Variants in IL23R observed in about 807,000 individuals in gnomAD.
IL23R encodes the protein interleukin-23 receptor.
Under a neutral mutation model 56.9 loss-of-function variants are expected in IL23R, and 34 were observed. The ratio of observed to expected loss-of-function variants is 0.60; its 90% CI spans 0.45 to 0.80. The LOEUF (loss-of-function observed/expected upper bound fraction) is 0.80. Among genes scored for constraint, IL23R ranks in the 30% least tolerant of loss-of-function variants. The pLI is 0.00. For missense variants in IL23R, 635 were observed against 730.0 expected (o/e 0.87, Z 1.50); for synonymous variants, 230 against 249.2 (o/e 0.92, Z 0.73).
intron 1 of IL23R, among the ~76,000 whole-genome samples, chr1:67,149,575 C>T (rs184029344): frequency 7.3e-4 from 111 of 152,184 alleles, no homozygotes; most frequent in African/African-American, 2.6e-3. Flanking sequence ...GTTATAGACA[C>T]TCAATAAATA....
At chr1:67,207,180 C>G (rs759282221) in intron 6 of IL23R, 125 bp downstream of exon 6, 2 of 1,066,000 alleles carry the variant, frequency 1.9e-6, no homozygotes, top group African/African-American at 3.2e-5. Context: ...GCATGATATT[C>G]AAGCCACTTT....
rs1653043871 is a variant in IL23R, at chr1:67,257,986, T to C, written c.1240-492T>C. On this transcript the variant is annotated intron_variant, in intron 10 of 10. Coordinates refer to ENST00000347310, the MANE Select transcript of IL23R (RefSeq NM_144701.3). ...CAAAGTGCTGGGATTACAGGCCTTA[T>C]CCACCTTTAGAACCTCGGCATCAAG... Among the ~76,000 whole-genome samples, 3 of 151,958 alleles carry C rather than the reference T, an allele frequency of 2.0e-5. No homozygotes were observed. In the South Asian group the frequency reaches 6.3e-4, roughly 32 times the overall value.
At chr1:67,152,403 C>T (rs1217758361) in intron 1 of IL23R, among the ~76,000 whole-genome samples, 2 of 152,136 alleles carry the variant, frequency 1.3e-5, no homozygotes, top group African/African-American at 2.4e-5. Flanking sequence ...CATCTGCAAA[C>T]AGACAATTTG....
intron 9 of IL23R, among the ~76,000 whole-genome samples, chr1:67,240,767 T>C (rs1415605275): frequency 6.6e-6 from 1 of 152,178 alleles, no homozygotes; most frequent in Non-Finnish European, 1.5e-5. Flanking sequence ...AATGTGCGAA[T>C]TGGGCAGCCC....
rs773181825 is a variant in IL23R at position 67,252,121 on chromosome 1, C to A, written c.1149-3716C>A. Among the ~76,000 whole-genome samples, 3 of 151,634 alleles carry A rather than the reference C, an allele frequency of 2.0e-5. No homozygotes were observed. The East Asian group carries it at 5.8e-4, about 29-fold the overall frequency. On this transcript the variant is annotated intron_variant, in intron 9 of 10. Transcript: ENST00000347310. Reference sequence around the variant, plus strand: ...ATTTCTGTAAGACTTTGCTGCCTCCCAAGCCTAATGTATAAACTGGAAGGA... The same window carrying A: ...ATTTCTGTAAGACTTTGCTGCCTCCAAAGCCTAATGTATAAACTGGAAGGA...
upstream of IL23R, among the ~76,000 whole-genome samples, chr1:67,163,977 C>T (rs748137330): frequency 6.6e-6 from 1 of 151,914 alleles, no homozygotes; most frequent in African/African-American, 2.4e-5. Context: ...AGATATGACA[C>T]TGAAAAAACA....
At chr1:67,263,955 C>T (rs1389782649), downstream of IL23R, among the ~76,000 whole-genome samples, 1 of 152,184 alleles carries the variant, frequency 6.6e-6, no homozygotes, top group Non-Finnish European at 1.5e-5. Context: ...GAGGTCATAC[C>T]TGTGCCCTCT....
chr1:67,221,407 A>G (rs1338080873), intron 7 of IL23R, among the ~76,000 whole-genome samples: 1 of 152,090 alleles, frequency 6.6e-6, no homozygotes, highest in African/African-American at 2.4e-5. Context: ...TAAAGCAATC[A>G]GAAAGTTAAA....
intron 9 of IL23R, among the ~76,000 whole-genome samples, chr1:67,250,393 C>A (rs562213958): frequency 2.6e-5 from 4 of 152,224 alleles, no homozygotes; most frequent in African/African-American, 9.6e-5. Context: ...TATATAAAAT[C>A]TATTTTCTTT....
intron 4 of IL23R, among the ~76,000 whole-genome samples, chr1:67,197,938 AAAAAGAAAAGAAAAG>A (rs148930191): frequency 1.1e-4 from 8 of 73,278 alleles, no homozygotes; most frequent in South Asian, 4.0e-4. Context: ...CCTGTCATTA[AAAAAGAAAAGAAAAG>A]AAAAGAAAAG....
chr1:67,178,550 C>T (rs1337212137), intron 3 of IL23R, among the ~76,000 whole-genome samples: 1 of 152,240 alleles, frequency 6.6e-6, no homozygotes, highest in African/African-American at 2.4e-5. Context: ...GATATACAAT[C>T]ATGTCATCTG....
intron 7 of IL23R, among the ~76,000 whole-genome samples, chr1:67,230,450 G>C (rs940751293): frequency 6.6e-5 from 10 of 152,066 alleles, no homozygotes; most frequent in Admixed American, 2.0e-4. Flanking sequence ...CTTTCATATA[G>C]AGTTTTGCTA....
intron 3 of IL23R, among the ~76,000 whole-genome samples, chr1:67,170,408 A>AT (rs1172114789): frequency 1.3e-5 from 2 of 152,090 alleles, no homozygotes; most frequent in South Asian, 2.1e-4. Flanking sequence ...GTAACTATTA[A>AT]TTTTTTTCTT....
intron 6 of IL23R, among the ~76,000 whole-genome samples, chr1:67,216,691 T>A (rs1355199798): frequency 6.6e-6 from 1 of 151,644 alleles, no homozygotes; most frequent in Non-Finnish European, 1.5e-5. Flanking sequence ...TTAAAAAAAA[T>A]TTCTTTCAAC....
intron 6 of IL23R, among the ~76,000 whole-genome samples, chr1:67,216,940 A>G (rs1375402640): frequency 2.0e-5 from 3 of 152,188 alleles, no homozygotes; most frequent in African/African-American, 7.2e-5. Context: ...GATAAAAATT[A>G]CTTGGGCAGA....
At chr1:67,195,302 G>C (rs1463319812) in intron 4 of IL23R, among the ~76,000 whole-genome samples, 1 of 152,136 alleles carries the variant, frequency 6.6e-6, no homozygotes, top group African/African-American at 2.4e-5. Context: ...CAAAGTGCTG[G>C]GATTACAGGT....
At chr1:67,197,811 C>G (rs973605165) in intron 4 of IL23R, among the ~76,000 whole-genome samples, 6 of 152,010 alleles carry the variant, frequency 3.9e-5, no homozygotes. Context: ...TGGTGCATGC[C>G]TGTAGTCCCA....
intron 7 of IL23R, among the ~76,000 whole-genome samples, chr1:67,233,736 T>C (rs927278866): frequency 4.6e-5 from 7 of 152,168 alleles, no homozygotes; most frequent in Admixed American, 4.6e-4. Context: ...TTTTTTAGTA[T>C]ATTCAAGTAT....
At chr1:67,229,569 G>C (rs756794825) in intron 7 of IL23R, among the ~76,000 whole-genome samples, 25 of 152,134 alleles carry the variant, frequency 1.6e-4, no homozygotes, top group Non-Finnish European at 3.5e-4. Flanking sequence ...GTTGGGGATG[G>C]GTTGAAAAAT....
Sources: allele counts gnomAD v4.1 joint callset (sites outside exome capture counted in the v4.1 genomes callset), GRCh38; gene constraint gnomAD v4.1.1; transcripts MANE v1.5; gene names NCBI Gene and HGNC (gene_info 2026-07-23, HGNC 2026-07-21).